The following FMN2 variants were observed in gnomAD, a reference collection of about 807,000 sequenced individuals.
The protein encoded by FMN2 is formin 2.
In FMN2, 51 loss-of-function variants were observed where a neutral mutation model predicts 142.3. That is an observed-to-expected ratio of 0.36 (90% CI 0.29 to 0.45). FMN2 has a LOEUF of 0.45. Ranked by LOEUF, FMN2 falls within the 20% of genes least tolerant of loss-of-function variation. FMN2 has a pLI of 1.00. For synonymous variants in FMN2, 882 were observed against 869.8 expected, an observed-to-expected ratio of 1.01 and a Z score of -0.25; for missense variants, 1,936 against 2,122.8, an observed-to-expected ratio of 0.91 and a Z score of 1.73.
chr1:240,210,928 G>A (rs186338197), intron 5 of FMN2, among the ~76,000 whole-genome samples, 163 bp from the exon 6 acceptor site: 1 of 152,240 alleles, frequency 6.6e-6, no homozygotes, highest in Admixed American at 6.5e-5. Flanking sequence ...CAAACAAATG[G>A]TGGTCTTAAA....
At chr1:240,107,867 G>A (rs1043262717) in intron 1 of FMN2, among the ~76,000 whole-genome samples, 1 of 152,048 alleles carries the variant, frequency 6.6e-6, no homozygotes, top group Non-Finnish European at 1.5e-5. Flanking sequence ...TCAGTATGAT[G>A]TTTTTGCTAT....
intron 7 of FMN2, among the ~76,000 whole-genome samples, chr1:240,286,680 A>G (rs1669602910): frequency 6.6e-6 from 1 of 151,764 alleles, no homozygotes; most frequent in African/African-American, 2.4e-5. Flanking sequence ...GAACAAAATC[A>G]AATGTGTGTA....
chr1:240,405,618 C>CAA (rs199827275), intron 15 of FMN2, among the ~76,000 whole-genome samples: 8 of 116,956 alleles, frequency 6.8e-5, no homozygotes, highest in African/African-American at 2.0e-4. Context: ...AACTCCGTCT[C>CAA]AAAAAAAAAA....
intron 14 of FMN2, among the ~76,000 whole-genome samples, chr1:240,358,939 C>A (rs995732359): frequency 1.5e-4 from 23 of 152,022 alleles, no homozygotes; most frequent in Admixed American, 1.4e-3. Flanking sequence ...GAGTTCGAGA[C>A]CAGCCTGAAA....
chr1:240,152,306 TA>T (rs5782121), intron 2 of FMN2, among the ~76,000 whole-genome samples: 103 of 145,836 alleles, frequency 7.1e-4, no homozygotes, highest in Admixed American at 7.5e-4. Context: ...CGAGCTCATT[TA>T]AAAAAAAAAA....
intron 15 of FMN2, among the ~76,000 whole-genome samples, chr1:240,416,894 C>A (rs562048930): frequency 2.0e-5 from 3 of 151,188 alleles, no homozygotes; most frequent in Admixed American, 6.6e-5. Flanking sequence ...TTTAATTTTT[C>A]TTTTTTTAAA....
At chr1:240,372,904 C>T (rs116546790) in intron 14 of FMN2, among the ~76,000 whole-genome samples, 3,376 of 152,222 alleles carry the variant, frequency 0.022, 143 homozygotes, top group African/African-American at 0.076. Context: ...TGCTAACAAT[C>T]GGCTGGGCGC....
At chr1:240,328,147 CAAA>C (rs780595882) in intron 8 of FMN2, among the ~76,000 whole-genome samples, 72 of 51,438 alleles carry the variant, frequency 1.4e-3, no homozygotes, top group African/African-American at 4.1e-3. Flanking sequence ...GACCCCATCT[CAAA>C]AAAAAAAAAA....
At chr1:240,189,396 C>A (rs557788465) in intron 4 of FMN2, among the ~76,000 whole-genome samples, 1 of 152,136 alleles carries the variant, frequency 6.6e-6, no homozygotes, top group Non-Finnish European at 1.5e-5. Context: ...GTTTTACACC[C>A]GGATCTATTT....
At chr1:240,238,953 G>A (rs1404862581) in intron 6 of FMN2, among the ~76,000 whole-genome samples, 1 of 146,458 alleles carries the variant, frequency 6.8e-6, no homozygotes, top group Non-Finnish European at 1.5e-5. Flanking sequence ...GAAGTTAGAA[G>A]GAGACTTTTG....
At chr1:240,242,346 A>G (rs1467237491) in intron 6 of FMN2, among the ~76,000 whole-genome samples, 1 of 152,212 alleles carries the variant, frequency 6.6e-6, no homozygotes, top group Non-Finnish European at 1.5e-5. Context: ...ACAATGGAGA[A>G]GTCAGATGGA....
At chr1:240,362,615 G>T (rs746465038) in intron 14 of FMN2, among the ~76,000 whole-genome samples, 1 of 152,106 alleles carries the variant, frequency 6.6e-6, no homozygotes. Context: ...AGGTGGAATG[G>T]ATGACCTTTA....
chr1:240,195,983 G>T (rs948551086), intron 4 of FMN2, among the ~76,000 whole-genome samples: 3 of 152,134 alleles, frequency 2.0e-5, no homozygotes, highest in African/African-American at 7.2e-5. Flanking sequence ...ACTCCAGCTG[G>T]TACAACAGAA....
intron 14 of FMN2, among the ~76,000 whole-genome samples, chr1:240,373,928 C>T (rs745522425): frequency 1.3e-5 from 2 of 152,170 alleles, no homozygotes; most frequent in Non-Finnish European, 2.9e-5. Flanking sequence ...GCAGCTATAG[C>T]CTTACCAAAT....
At chr1:240,272,188 TC>T (rs1355864174) in intron 7 of FMN2, among the ~76,000 whole-genome samples, 5 of 152,130 alleles carry the variant, frequency 3.3e-5, no homozygotes, top group African/African-American at 1.2e-4. Context: ...AAGGCCTTCC[TC>T]CCCATAATGT....
At chr1:240,282,465 C>T (rs888262272) in intron 7 of FMN2, among the ~76,000 whole-genome samples, 9 of 152,136 alleles carry the variant, frequency 5.9e-5, no homozygotes, top group Non-Finnish European at 8.8e-5. Flanking sequence ...AGGAATAGAA[C>T]GCCACTATTT....
chr1:240,322,996 C>T (rs1260150503), intron 8 of FMN2, among the ~76,000 whole-genome samples: 1 of 152,090 alleles, frequency 6.6e-6, no homozygotes, highest in South Asian at 2.1e-4. Flanking sequence ...TCCCCAAGAA[C>T]CCCCCTCCTC....
chr1:240,289,472 G>A (rs929550506), intron 7 of FMN2, among the ~76,000 whole-genome samples: 7 of 151,932 alleles, frequency 4.6e-5, no homozygotes, highest in African/African-American at 1.2e-4. Flanking sequence ...GTTCAAGACC[G>A]GCCTGGGCAA....
At chr1:240,263,438 A>G (rs1445312270) in intron 7 of FMN2, among the ~76,000 whole-genome samples, 1 of 152,310 alleles carries the variant, frequency 6.6e-6, no homozygotes, top group East Asian at 1.9e-4. Flanking sequence ...ATTAGCCCCC[A>G]GTAGACTCTT....
Sources: gnomAD v4.1 joint callset for allele counts (sites outside exome capture counted in the v4.1 genomes callset) on GRCh38, gnomAD v4.1.1 for gene constraint, MANE v1.5 for transcripts, NCBI Gene and HGNC (gene_info 2026-07-23, HGNC 2026-07-21) for gene names.